MAGI1: variants seen among roughly 807,000 people sequenced by gnomAD.
MAGI1 encodes membrane associated guanylate kinase, WW and PDZ domain containing 1, also known as membrane-associated guanylate kinase, WW and PDZ domain-containing protein 1.
In MAGI1, 58 loss-of-function variants were observed where a neutral mutation model predicts 139.9. That is an observed-to-expected ratio of 0.41 (90% CI 0.34 to 0.52). The LOEUF is 0.52. Ranked by LOEUF, MAGI1 falls within the 20% of genes least tolerant of loss-of-function variation. The pLI is 0.12. For synonymous variants in MAGI1, 812 were observed against 737.9 expected (o/e 1.10, Z -1.63); for missense variants, 1,874 against 1,901.6 (o/e 0.99, Z 0.27).
At chr3:65,886,989 G>A (rs553385168) in intron 1 of MAGI1, among the ~76,000 whole-genome samples, 1 of 152,242 alleles carries the variant, frequency 6.6e-6, no homozygotes, top group East Asian at 1.9e-4. Context: ...AGAAAATAAA[G>A]TACCTAGTTA....
chr3:65,384,224 C>G (rs1456075545), intron 14 of MAGI1, among the ~76,000 whole-genome samples: 2 of 152,176 alleles, frequency 1.3e-5, no homozygotes, highest in Non-Finnish European at 2.9e-5. Flanking sequence ...CTAAAACATC[C>G]TAGTATTTCT....
intron 2 of MAGI1, among the ~76,000 whole-genome samples, chr3:65,557,136 G>A (rs1485997534): frequency 1.3e-5 from 2 of 152,200 alleles, no homozygotes; most frequent in African/African-American, 4.8e-5. Context: ...TCAGACTCTT[G>A]TGTATTGTCT....
At chr3:65,792,031 T>TATAC (rs200501916) in intron 1 of MAGI1, among the ~76,000 whole-genome samples, 5,282 of 152,100 alleles carry the variant, frequency 0.035, 100 homozygotes, top group Non-Finnish European at 0.043. Flanking sequence ...ATTTTTTTTC[T>TATAC]ATACATACAT....
intron 1 of MAGI1, among the ~76,000 whole-genome samples, chr3:65,920,796 C>T (rs553710868): frequency 1.3e-5 from 2 of 152,166 alleles, no homozygotes; most frequent in South Asian, 2.1e-4. Context: ...TTTGGGAGGC[C>T]GAGGTGGGTG....
chr3:65,761,121 T>C (rs576802526), intron 1 of MAGI1, among the ~76,000 whole-genome samples: 3 of 152,320 alleles, frequency 2.0e-5, no homozygotes, highest in South Asian at 2.1e-4. Context: ...GAACAACTTA[T>C]GTGATCTGGA....
intron 1 of MAGI1, among the ~76,000 whole-genome samples, chr3:65,659,639 T>C (rs2086081652): frequency 6.6e-6 from 1 of 152,178 alleles, no homozygotes; most frequent in African/African-American, 2.4e-5. Flanking sequence ...CATGACTTTC[T>C]CCTGAGTAAA....
At chr3:65,432,241 T>A (rs1477463471) in intron 10 of MAGI1, among the ~76,000 whole-genome samples, 3 of 152,136 alleles carry the variant, frequency 2.0e-5, no homozygotes, top group Admixed American at 2.0e-4. Flanking sequence ...CTCTTCTAAC[T>A]TTACTTACTT....
chr3:65,468,367 CTTTTTTTTTTTTTTTTTT>C (rs71102860), intron 5 of MAGI1, among the ~76,000 whole-genome samples: 1 of 61,366 alleles, frequency 1.6e-5, no homozygotes, highest in African/African-American at 6.9e-5. Context: ...AGAGGGTATT[CTTTTTTTTTTTTTTTTTT>C]TTTTTTTTTT....
At position 65,853,093 on chromosome 3, in the gene MAGI1, C is replaced by T. The variant is rs934463162; in HGVS notation, c.313+184903G>A. Among the ~76,000 whole-genome samples the T allele has an allele frequency of 8.6e-5, 13 of 151,842 alleles. No homozygotes were observed. In the East Asian group the frequency reaches 1.2e-3, roughly 14 times the overall value. ...GAACCCAGGAGGTGGAGGTTCCCTC[C>T]GGGAACCAAGTGCATTGAGCCGAGA... On this transcript the variant is annotated intron_variant, in intron 1 of 22. Coordinates refer to ENST00000402939, the MANE Select transcript of MAGI1 (RefSeq NM_001033057.2).
chr3:65,506,791 G>GC (rs1434618871), intron 2 of MAGI1, among the ~76,000 whole-genome samples: 3 of 152,042 alleles, frequency 2.0e-5, no homozygotes, highest in Admixed American at 6.6e-5. Context: ...TATTTATTGA[G>GC]CAAATATTAT....
intron 1 of MAGI1, among the ~76,000 whole-genome samples, chr3:65,895,017 G>A (rs889780894): frequency 2.0e-5 from 3 of 152,182 alleles, no homozygotes; most frequent in African/African-American, 7.2e-5. Flanking sequence ...GGTTGGAAAC[G>A]GAGGTGCTAG....
chr3:65,692,888 G>C (rs1418266539), intron 1 of MAGI1, among the ~76,000 whole-genome samples: 1 of 152,052 alleles, frequency 6.6e-6, no homozygotes, highest in Non-Finnish European at 1.5e-5. Flanking sequence ...CCTAGACCTT[G>C]GCCTTCCCAA....
chr3:65,453,263 T>C lies in MAGI1; in HGVS notation c.1037A>G (p.Asp346Gly). ...KQQKPLEECE[D>G]DEGVHTEELD... ...AGACCTGCCTGGCCCCTTACCATCA[T>C]CTTCACACTCTTCCAGTGGCTTCTG... Residue 346 changes from aspartate (D) to glycine (G), a missense_variant, in exon 6 of 23, where the codon GAT (aspartate) becomes GGT (glycine). Physicochemically the swap from Asp to Gly is moderately conservative, Grantham distance 94. Around this residue, in one of 5 missense-constraint regions of MAGI1, gnomAD observed 648 missense variants for 598.1 expected, o/e 1.08. Coordinates refer to ENST00000402939, the MANE Select transcript of MAGI1 (RefSeq NM_001033057.2). 1.2e-6 allele frequency: 2 copies of C among 1,613,624 alleles called. No individual in the cohort carries two copies. Among genetic ancestry groups the C allele is most frequent in the Non-Finnish European group, 1.7e-6 (2 of 1,179,886 alleles).
Position 65,401,430 on chromosome 3 carries a change from A to T in MAGI1, c.2199+9T>A. ...CCCAACAAGCACCAAGTAACTGACA[A>T]GTCCTTACCGACTTTGGGCTCTTCT... On this transcript the variant is annotated intron_variant, in intron 13 of 22. Coordinates refer to ENST00000402939, the MANE Select transcript of MAGI1 (RefSeq NM_001033057.2). The T allele has an allele frequency of 6.2e-7, 1 of 1,609,762 alleles. No individual in the cohort carries two copies. Among genetic ancestry groups the T allele is most frequent in the Non-Finnish European group, 8.5e-7 (1 of 1,178,070 alleles).
At chr3:65,487,132 A>G (rs766812493) in intron 3 of MAGI1, among the ~76,000 whole-genome samples, 2 of 152,168 alleles carry the variant, frequency 1.3e-5, no homozygotes, top group Non-Finnish European at 2.9e-5. Context: ...TATTTGCTAA[A>G]TCCAGCAACC....
intron 1 of MAGI1, among the ~76,000 whole-genome samples, chr3:65,840,385 T>C (rs940713416): frequency 2.0e-5 from 3 of 152,210 alleles, no homozygotes; most frequent in Non-Finnish European, 2.9e-5. Flanking sequence ...AGTACAATGA[T>C]AGCTCCAGGT....
At chr3:65,730,727 C>T (rs1454762250) in intron 1 of MAGI1, among the ~76,000 whole-genome samples, 1 of 152,176 alleles carries the variant, frequency 6.6e-6, no homozygotes, top group Non-Finnish European at 1.5e-5. Context: ...CTGTAACCCA[C>T]AAATGTTTCC....
chr3:65,578,314 T>A (rs1344224015), intron 2 of MAGI1, among the ~76,000 whole-genome samples: 1 of 151,618 alleles, frequency 6.6e-6, no homozygotes, highest in East Asian at 2.0e-4. Context: ...CTGTATTTGA[T>A]AAAATTAGAA....
intron 12 of MAGI1, among the ~76,000 whole-genome samples, chr3:65,406,558 C>T (rs572553166): frequency 2.6e-5 from 4 of 152,202 alleles, no homozygotes; most frequent in African/African-American, 4.8e-5. Context: ...TTGGGTCTCC[C>T]GACTTCAGCA....
Sources: allele counts gnomAD v4.1 joint callset (sites outside exome capture counted in the v4.1 genomes callset), GRCh38; gene constraint gnomAD v4.1.1; regional missense constraint gnomAD v4.1.1; transcripts MANE v1.5; gene names NCBI Gene and HGNC (gene_info 2026-07-23, HGNC 2026-07-21).